Variants in LRMDA observed in about 807,000 individuals in gnomAD.
LRMDA encodes leucine-rich melanocyte differentiation-associated protein.
In LRMDA, 18 loss-of-function variants were observed where a neutral mutation model predicts 29.8. That is an observed-to-expected ratio of 0.60 (90% CI 0.42 to 0.90). LRMDA has a LOEUF of 0.90. LRMDA is among the 40% of genes least tolerant of loss of function. LRMDA has a pLI of 0.00. For missense variants in LRMDA, 273 were observed against 273.9 expected (o/e 1.00, Z 0.02); for synonymous variants, 125 against 109.4 (o/e 1.14, Z -0.89).
rs567517639 is a variant in LRMDA, at chr10:76,493,264, G to A, written c.602-63945G>A. Among the ~76,000 whole-genome samples, 8 of 151,956 alleles carry A rather than the reference G, an allele frequency of 5.3e-5. No individual in the cohort carries two copies. The South Asian group carries it at 6.3e-4, about 12-fold the overall frequency. ...TTCCCTTTCCACGGGTAGATGAGCC[G>A]CTCCCTATTGTCACCATTACCACAG... is the stretch of plus-strand genomic sequence containing the variant. On this transcript the variant is annotated intron_variant, in intron 6 of 6. Transcript: ENST00000611255.
intron 2 of LRMDA, among the ~76,000 whole-genome samples, chr10:75,805,611 A>G (rs1278664413): frequency 1.3e-5 from 2 of 152,044 alleles, no homozygotes; most frequent in East Asian, 3.9e-4. Flanking sequence ...TGGGTAGCTG[A>G]GATTGTGACA....
intron 2 of LRMDA, among the ~76,000 whole-genome samples, chr10:75,658,061 A>G (rs2132132084): frequency 6.6e-6 from 1 of 152,170 alleles, no homozygotes; most frequent in South Asian, 2.1e-4. Flanking sequence ...TTTTGTACCT[A>G]TCCCAAAAAT....
At chr10:75,533,242 C>T (rs1219505108) in intron 2 of LRMDA, among the ~76,000 whole-genome samples, 1 of 152,146 alleles carries the variant, frequency 6.6e-6, no homozygotes, top group Non-Finnish European at 1.5e-5. Context: ...TCAGTAAAGG[C>T]TGAGATATTA....
chr10:75,737,032 T>C lies in LRMDA; in HGVS notation c.131+298538T>C, dbSNP rs545322438. On this transcript the variant is annotated intron_variant, in intron 2 of 6. Coordinates refer to ENST00000611255, the MANE Select transcript of LRMDA (RefSeq NM_001305581.2). Reference sequence around the variant, plus strand: ...TAGAACCCCATGTTGTCTCCCTTCCTTTGTATACACACACATGCACGCACG... The same window carrying C: ...TAGAACCCCATGTTGTCTCCCTTCCCTTGTATACACACACATGCACGCACG... Among the ~76,000 whole-genome samples, 29 of 152,108 alleles carry C rather than the reference T, an allele frequency of 1.9e-4. No homozygotes were observed. In the South Asian group the frequency reaches 6.0e-3, roughly 32 times the overall value.
At chr10:75,560,167 A>C (rs1262575038) in intron 2 of LRMDA, among the ~76,000 whole-genome samples, 1 of 151,842 alleles carries the variant, frequency 6.6e-6, no homozygotes, top group Non-Finnish European at 1.5e-5. Flanking sequence ...ACCCATGAGC[A>C]TGGAATGTTC....
intron 6 of LRMDA, among the ~76,000 whole-genome samples, chr10:76,446,990 T>C (rs1326541844): frequency 1.3e-5 from 2 of 152,172 alleles, no homozygotes; most frequent in African/African-American, 2.4e-5. Flanking sequence ...AGTCCTGCTG[T>C]GGCCTAAATT....
chr10:75,882,125 A>T (rs1845304659), intron 2 of LRMDA, among the ~76,000 whole-genome samples: 1 of 152,218 alleles, frequency 6.6e-6, no homozygotes, highest in Admixed American at 6.5e-5. Flanking sequence ...TTTGGTGATT[A>T]TGAGGAGGAA....
intron 5 of LRMDA, among the ~76,000 whole-genome samples, chr10:76,225,164 A>G: frequency 6.6e-6 from 1 of 152,140 alleles, no homozygotes; most frequent in East Asian, 1.9e-4. Context: ...TAATACCAGC[A>G]CTTTGGGAGG....
In LRMDA at chr10:76,084,364, ATTTTTTTTTTTT is replaced by A. The variant is rs71024586; in HGVS notation, c.516+25601_516+25612del. ...GGGTATGTGCCACTGCGCCCAGCTA[ATTTTTTTTTTTT>A]TTTTTTTTTTTTTTTTTTTGTAGAG... On this transcript the variant is annotated intron_variant, in intron 5 of 6. Coordinates refer to ENST00000611255, the MANE Select transcript of LRMDA (RefSeq NM_001305581.2). 1.9e-3 allele frequency among the ~76,000 whole-genome samples: 135 copies of A among 70,922 alleles called. 1 individual carries two copies. Among genetic ancestry groups the A allele is most frequent in the Non-Finnish European group, 2.3e-3 (89 of 38,654 alleles). The allele number at this position is 70,922 out of a possible 152,430, so 46.5% of individuals were successfully genotyped here.
chr10:76,306,279 A>G (rs1840554940), intron 5 of LRMDA, among the ~76,000 whole-genome samples: 2 of 152,246 alleles, frequency 1.3e-5, no homozygotes, highest in Non-Finnish European at 2.9e-5. Flanking sequence ...CTATCCTGAT[A>G]TAGACACTGA....
chr10:75,827,375 G>A (rs1296361805), intron 2 of LRMDA, among the ~76,000 whole-genome samples: 1 of 152,146 alleles, frequency 6.6e-6, no homozygotes, highest in South Asian at 2.1e-4. Context: ...TACAGGATGG[G>A]AATGTTAACA....
chr10:76,260,687 A>T (rs1264526618), intron 5 of LRMDA: 2 of 152,140 alleles, frequency 1.3e-5, no homozygotes, highest in Non-Finnish European at 2.9e-5. Context: ...GGGTGACTCT[A>T]TTTGGAGTTC....
chr10:75,739,920 A>C (rs916991484), intron 2 of LRMDA, among the ~76,000 whole-genome samples: 13 of 152,212 alleles, frequency 8.5e-5, no homozygotes, highest in Non-Finnish European at 1.9e-4. Context: ...TGTTTACAGC[A>C]TGTTGCAAGT....
chr10:76,317,850 G>A (rs188748104), intron 5 of LRMDA, among the ~76,000 whole-genome samples: 58 of 152,144 alleles, frequency 3.8e-4, no homozygotes, highest in African/African-American at 1.3e-3. Flanking sequence ...CTGGGATTAC[G>A]GATGTGAGCT....
intron 2 of LRMDA, among the ~76,000 whole-genome samples, chr10:75,668,612 A>G (rs1564535330): frequency 6.6e-6 from 1 of 152,124 alleles, no homozygotes; most frequent in Non-Finnish European, 1.5e-5. Flanking sequence ...GCACTGTCTC[A>G]CATAGAGTTG....
chr10:76,517,838 T>A (rs1843076910), intron 6 of LRMDA, among the ~76,000 whole-genome samples: 1 of 151,516 alleles, frequency 6.6e-6, no homozygotes, highest in African/African-American at 2.4e-5. Flanking sequence ...AATATAAGAT[T>A]TTTTAGATCA....
At chr10:75,607,782 T>A (rs1366951699) in intron 2 of LRMDA, among the ~76,000 whole-genome samples, 1 of 151,088 alleles carries the variant, frequency 6.6e-6, no homozygotes, top group African/African-American at 2.4e-5. Flanking sequence ...CTTTAAAAAA[T>A]TGTGATTCCT....
chr10:75,899,216 G>A (rs1277448866), intron 2 of LRMDA, among the ~76,000 whole-genome samples: 1 of 152,218 alleles, frequency 6.6e-6, no homozygotes, highest in Non-Finnish European at 1.5e-5. Context: ...AAAATTATTA[G>A]TGTTTGCTTT....
chr10:76,298,090 C>T (rs576124436), intron 5 of LRMDA, among the ~76,000 whole-genome samples: 9 of 152,358 alleles, frequency 5.9e-5, no homozygotes, highest in Middle Eastern at 3.4e-3. Context: ...GCCAGCCCAC[C>T]ATGCATGCCT....
Sources: gnomAD v4.1 joint callset for allele counts (sites outside exome capture counted in the v4.1 genomes callset) on GRCh38, gnomAD v4.1.1 for gene constraint, MANE v1.5 for transcripts, NCBI Gene and HGNC (gene_info 2026-07-23, HGNC 2026-07-21) for gene names.